The following TUT7 variants were observed in gnomAD, a reference collection of about 807,000 sequenced individuals.
TUT7 encodes the protein terminal uridylyltransferase 7.
In TUT7, 33 loss-of-function variants were observed where a neutral mutation model predicts 165.9. That is an observed-to-expected ratio of 0.20 (90% CI 0.15 to 0.27). TUT7 has a LOEUF of 0.27. Ranked by LOEUF, TUT7 falls within the 10% of genes least tolerant of loss-of-function variation. The pLI is 1.00. For synonymous variants in TUT7, 552 were observed against 608.1 expected, an observed-to-expected ratio of 0.91 and a Z score of 1.36; for missense variants, 1,338 against 1,762.3, an observed-to-expected ratio of 0.76 and a Z score of 4.31.
intron 22 of TUT7, among the ~76,000 whole-genome samples, chr9:86,307,528 T>C (rs930454608): frequency 4.6e-5 from 7 of 152,198 alleles, no homozygotes; most frequent in African/African-American, 1.7e-4. Context: ...TACAAACATA[T>C]TAAAAGATAA....
chr9:86,318,850 C>A, intron 16 of TUT7, 108 bp downstream of exon 16: 1 of 769,724 alleles, frequency 1.3e-6, no homozygotes, highest in East Asian at 2.6e-5. Context: ...ACAGCACACT[C>A]TATATGGTAT....
intron 26 of TUT7, among the ~76,000 whole-genome samples, chr9:86,292,570 C>A (rs1452749336): frequency 1.3e-5 from 2 of 148,760 alleles, no homozygotes; most frequent in African/African-American, 5.0e-5. Flanking sequence ...TGATGGTACT[C>A]AAGGCACTTC....
intron 6 of TUT7, among the ~76,000 whole-genome samples, chr9:86,342,083 A>G (rs1006456222): frequency 1.3e-5 from 2 of 152,180 alleles, no homozygotes; most frequent in South Asian, 2.1e-4. Flanking sequence ...AAAACAGTCT[A>G]TTGGGTAGCT....
At chr9:86,290,709 A>T (rs1377226659) in intron 26 of TUT7, among the ~76,000 whole-genome samples, 2 of 150,384 alleles carry the variant, frequency 1.3e-5, no homozygotes, top group Non-Finnish European at 3.0e-5. Context: ...AAAAAAAAAA[A>T]TTAGCTGGGT....
chr9:86,320,257 CAAAA>C (rs10656642), intron 14 of TUT7, among the ~76,000 whole-genome samples: 1 of 112,338 alleles, frequency 8.9e-6, no homozygotes, highest in Non-Finnish European at 1.8e-5. Flanking sequence ...AAAAATTTCC[CAAAA>C]AAAAAAAAAA....
intron 26 of TUT7, among the ~76,000 whole-genome samples, chr9:86,292,464 G>T (rs1825970495): frequency 6.9e-6 from 1 of 144,278 alleles, no homozygotes; most frequent in Non-Finnish European, 1.5e-5. Flanking sequence ...GGGAGACTTT[G>T]TCTCAAAAAA....
At chr9:86,324,045 TA>T (rs1829567596) in intron 12 of TUT7, 85 bp from the exon 13 acceptor site, 7 of 1,168,186 alleles carry the variant, frequency 6.0e-6, no homozygotes, top group Non-Finnish European at 7.9e-6. Flanking sequence ...CTGCTGCAGA[TA>T]AAAACAGACA....
intron 2 of TUT7, among the ~76,000 whole-genome samples, chr9:86,352,053 G>C (rs111617290): frequency 1.7e-3 from 251 of 151,920 alleles, no homozygotes; most frequent in African/African-American, 5.8e-3. Context: ...AATTAGTTTT[G>C]GTCTTACTGA....
intron 26 of TUT7, among the ~76,000 whole-genome samples, chr9:86,300,715 A>G (rs1437146583): frequency 1.3e-5 from 2 of 152,244 alleles, no homozygotes; most frequent in Non-Finnish European, 2.9e-5. Flanking sequence ...TTTCTTCGTC[A>G]TAAGAATAAT....
intron 19 of TUT7, 114 bp downstream of exon 19, chr9:86,309,813 GC>G: frequency 9.2e-7 from 1 of 1,089,340 alleles, no homozygotes; most frequent in Non-Finnish European, 1.3e-6. Context: ...CTCCCAAATA[GC>G]TACATGAAGC....
chr9:86,313,907 C>A (rs972275990), intron 17 of TUT7, among the ~76,000 whole-genome samples: 2 of 152,122 alleles, frequency 1.3e-5, no homozygotes, highest in African/African-American at 4.8e-5. Flanking sequence ...AGGTAGAAGA[C>A]ATTTCAGGAA....
intron 10 of TUT7, among the ~76,000 whole-genome samples, chr9:86,332,926 T>C (rs1727847093): frequency 6.6e-6 from 1 of 152,212 alleles, no homozygotes; most frequent in Non-Finnish European, 1.5e-5. Context: ...TCCTCTGTCA[T>C]GAAGCACAGC....
chr9:86,293,797 G>T (rs1390474122), intron 26 of TUT7, among the ~76,000 whole-genome samples: 1 of 152,186 alleles, frequency 6.6e-6, no homozygotes, highest in East Asian at 1.9e-4. Flanking sequence ...ACCTGACAGG[G>T]CATGTGGCTT....
chr9:86,353,869 A>T (rs994641067), intron 1 of TUT7, among the ~76,000 whole-genome samples: 2 of 152,112 alleles, frequency 1.3e-5, no homozygotes, highest in African/African-American at 4.8e-5. Flanking sequence ...CCGTTCTCCA[A>T]CCCCAAACAA....
intron 10 of TUT7, among the ~76,000 whole-genome samples, chr9:86,334,349 C>T (rs542939075): frequency 6.6e-6 from 1 of 152,304 alleles, no homozygotes; most frequent in South Asian, 2.1e-4. Flanking sequence ...GGAGGTATAA[C>T]TCACACAAAA....
intron 9 of TUT7, 95 bp from the exon 10 acceptor site, chr9:86,337,633 C>G: frequency 1.4e-6 from 2 of 1,384,552 alleles, no homozygotes; most frequent in South Asian, 2.8e-5. Flanking sequence ...TTCTTGTTTA[C>G]TACATGATTT....
chr9:86,353,988 A>G (rs1446533395), intron 1 of TUT7, among the ~76,000 whole-genome samples: 1 of 152,124 alleles, frequency 6.6e-6, no homozygotes, highest in Non-Finnish European at 1.5e-5. Context: ...TTTGAGCCCG[A>G]CGTGGAGAAA....
At chr9:86,341,196 T>G in intron 6 of TUT7, 143 bp from the exon 7 acceptor site, 1 of 692,804 alleles carries the variant, frequency 1.4e-6, no homozygotes, top group Non-Finnish European at 2.5e-6. Flanking sequence ...CTCACTATGT[T>G]GTTTGCATAT....
At chr9:86,336,620 T>C (rs761764945) in intron 10 of TUT7, among the ~76,000 whole-genome samples, 5 of 152,178 alleles carry the variant, frequency 3.3e-5, no homozygotes, top group Admixed American at 6.5e-5. Context: ...TGAGAGAAAC[T>C]TGTGTGCATT....
Sources: allele counts gnomAD v4.1 joint callset (sites outside exome capture counted in the v4.1 genomes callset), GRCh38; gene constraint gnomAD v4.1.1; transcripts MANE v1.5; gene names NCBI Gene and HGNC (gene_info 2026-07-23, HGNC 2026-07-21).